The following SRPK2 variants were observed in gnomAD, a reference collection of about 807,000 sequenced individuals.
The protein encoded by SRPK2 is SRSF protein kinase 2, also known as SFRS protein kinase 2.
In SRPK2, 21 loss-of-function variants were observed where a neutral mutation model predicts 90.8. The ratio of observed to expected loss-of-function variants is 0.23; its 90% confidence interval spans 0.16 to 0.33. SRPK2 has a LOEUF of 0.33. Ranked by LOEUF, SRPK2 falls within the 10% of genes least tolerant of loss-of-function variation. The pLI, the probability that SRPK2 is intolerant of heterozygous loss-of-function variation, is 1.00. For synonymous variants in SRPK2, 288 were observed against 311.1 expected, an observed-to-expected ratio of 0.93 and a Z score of 0.78; for missense variants, 620 against 869.0, an observed-to-expected ratio of 0.71 and a Z score of 3.60.
intron 2 of SRPK2, among the ~76,000 whole-genome samples, chr7:105,291,062 A>AAAAG (rs1808945006): frequency 2.7e-5 from 4 of 150,292 alleles, no homozygotes; most frequent in Non-Finnish European, 4.4e-5. Context: ...AAAAAAAAAA[A>AAAAG]AAAGAAATGA....
chr7:105,360,323 ACT>A (rs1192218101), intron 2 of SRPK2, among the ~76,000 whole-genome samples: 2 of 151,930 alleles, frequency 1.3e-5, no homozygotes, highest in Non-Finnish European at 2.9e-5. Context: ...ATAGGTCTTG[ACT>A]CTCTATCCAA....
chr7:105,337,673 C>T (rs150908831), intron 2 of SRPK2, among the ~76,000 whole-genome samples: 3 of 152,112 alleles, frequency 2.0e-5, no homozygotes, highest in Non-Finnish European at 4.4e-5. Context: ...CTCTCCTAAG[C>T]GCGATGGCAC....
intron 7 of SRPK2, among the ~76,000 whole-genome samples, chr7:105,149,318 G>A (rs937003062): frequency 6.6e-5 from 10 of 152,198 alleles, no homozygotes; most frequent in East Asian, 1.9e-4. Flanking sequence ...TTTGGGTGGA[G>A]AGAAACATAA....
chr7:105,295,853 A>G (rs1450079929), intron 2 of SRPK2, among the ~76,000 whole-genome samples: 1 of 152,258 alleles, frequency 6.6e-6, no homozygotes, highest in Non-Finnish European at 1.5e-5. Context: ...CACAGGGTTC[A>G]GGTTCCACAA....
At chr7:105,349,776 G>A (rs574910823) in intron 2 of SRPK2, among the ~76,000 whole-genome samples, 1 of 152,020 alleles carries the variant, frequency 6.6e-6, no homozygotes, top group Non-Finnish European at 1.5e-5. Context: ...GTCTCGCTCT[G>A]TCGCCAGGCT....
intron 6 of SRPK2, among the ~76,000 whole-genome samples, chr7:105,163,513 G>T (rs979642209): frequency 1.3e-5 from 2 of 152,086 alleles, no homozygotes; most frequent in African/African-American, 4.8e-5. Flanking sequence ...AAAAGTTTGC[G>T]GCCGGGCATG....
chr7:105,339,464 T>C (rs1281622612), intron 2 of SRPK2, among the ~76,000 whole-genome samples: 1 of 152,174 alleles, frequency 6.6e-6, no homozygotes, highest in African/African-American at 2.4e-5. Flanking sequence ...CACCTAATTG[T>C]CTTAAATATT....
intron 2 of SRPK2, among the ~76,000 whole-genome samples, chr7:105,295,115 G>A (rs1809611820): frequency 6.6e-6 from 1 of 151,834 alleles, no homozygotes; most frequent in South Asian, 2.1e-4. Context: ...AGGAGGCTGA[G>A]GCACGAGAAT....
chr7:105,297,647 C>T (rs1341792046), intron 2 of SRPK2: 1 of 197,800 alleles, frequency 5.1e-6, no homozygotes, highest in African/African-American at 2.4e-5. Flanking sequence ...CTTCCCCAAA[C>T]CTACAAAGCT....
At chr7:105,146,101 G>C (rs918827748) in intron 8 of SRPK2, among the ~76,000 whole-genome samples, 1 of 152,134 alleles carries the variant, frequency 6.6e-6, no homozygotes, top group Non-Finnish European at 1.5e-5. Flanking sequence ...AACTCAGGTT[G>C]ACATAGCTAT....
At chr7:105,271,544 G>A (rs928964399) in intron 2 of SRPK2, among the ~76,000 whole-genome samples, 1 of 152,094 alleles carries the variant, frequency 6.6e-6, no homozygotes, top group African/African-American at 2.4e-5. Flanking sequence ...CATAGGTCTG[G>A]TAATTCCCCA....
chr7:105,219,291 G>C (rs1797827397), intron 2 of SRPK2, among the ~76,000 whole-genome samples: 1 of 152,122 alleles, frequency 6.6e-6, no homozygotes, highest in Non-Finnish European at 1.5e-5. Flanking sequence ...GTTAGAATCA[G>C]ACCAGGATCT....
intron 2 of SRPK2, among the ~76,000 whole-genome samples, chr7:105,344,458 T>C (rs1019971991): frequency 2.1e-5 from 3 of 144,666 alleles, no homozygotes; most frequent in African/African-American, 5.2e-5. Context: ...ATCACTATAT[T>C]GACCAGGGTG....
intron 2 of SRPK2, among the ~76,000 whole-genome samples, chr7:105,216,805 C>T (rs1472540954): frequency 1.3e-5 from 2 of 152,194 alleles, no homozygotes; most frequent in South Asian, 4.1e-4. Context: ...GGTAACAAGG[C>T]TCTAGGTTAG....
intron 2 of SRPK2, among the ~76,000 whole-genome samples, chr7:105,255,927 GAA>G (rs1208757960): frequency 3.0e-5 from 3 of 99,246 alleles, no homozygotes; most frequent in African/African-American, 6.5e-5. Flanking sequence ...ATCTCAAATT[GAA>G]AAAAAAAAAA....
chr7:105,148,469 A>T (rs1804998124), intron 7 of SRPK2, among the ~76,000 whole-genome samples: 1 of 152,218 alleles, frequency 6.6e-6, no homozygotes, highest in Non-Finnish European at 1.5e-5. Flanking sequence ...TAATTTTTTC[A>T]ATTATTTCCA....
At chr7:105,363,437 T>A (rs1411628746) in intron 2 of SRPK2, among the ~76,000 whole-genome samples, 1 of 152,172 alleles carries the variant, frequency 6.6e-6, no homozygotes, top group African/African-American at 2.4e-5. Flanking sequence ...ATGCTCATCA[T>A]CACTGGCCAT....
At chr7:105,282,408 A>C (rs900004140) in intron 2 of SRPK2, among the ~76,000 whole-genome samples, 11 of 152,254 alleles carry the variant, frequency 7.2e-5, no homozygotes, top group African/African-American at 2.7e-4. Flanking sequence ...ACCTTAGAAG[A>C]GGCTACAGTT....
intron 2 of SRPK2, among the ~76,000 whole-genome samples, chr7:105,221,723 C>T (rs1012277197): frequency 6.6e-6 from 1 of 152,158 alleles, no homozygotes; most frequent in Non-Finnish European, 1.5e-5. Context: ...CATCCCTCTC[C>T]CCACTCAACC....
Sources: allele counts gnomAD v4.1 joint callset (sites outside exome capture counted in the v4.1 genomes callset), GRCh38; gene constraint gnomAD v4.1.1; transcripts MANE v1.5; gene names NCBI Gene and HGNC (gene_info 2026-07-23, HGNC 2026-07-21).